The following MEF2C variants were observed in gnomAD, a reference collection of about 807,000 sequenced individuals.
MEF2C encodes the protein myocyte enhancer factor 2C, also known as myocyte-specific enhancer factor 2C.
MEF2C carries 6 observed loss-of-function variants against 50.5 expected under a neutral mutation model. The observed-to-expected ratio is 0.12, with a 90% CI of 0.07 to 0.23. The LOEUF (loss-of-function observed/expected upper bound fraction) is 0.23. MEF2C is among the 10% of genes least tolerant of loss of function. The pLI, the probability that MEF2C is intolerant of heterozygous loss-of-function variation, is 1.00. For synonymous variants in MEF2C, 183 were observed against 228.0 expected, an observed-to-expected ratio of 0.80 and a Z score of 1.78; for missense variants, 276 against 605.0, an observed-to-expected ratio of 0.46 and a Z score of 5.70.
chr5:88,764,680 C>T (rs767340215), intron 3 of MEF2C, among the ~76,000 whole-genome samples: 12 of 151,818 alleles, frequency 7.9e-5, no homozygotes, highest in African/African-American at 2.7e-4. Flanking sequence ...TGGTGGCGCA[C>T]GCCTGTAATT....
chr5:88,719,245 C>A lies in MEF2C; in HGVS notation c.*3359G>T, dbSNP rs1314015769. The A allele has an allele frequency of 6.6e-6, 1 of 152,112 alleles. No individual in the cohort carries two copies. The highest frequency in any genetic ancestry group is 1.5e-5 in the Non-Finnish European group (1 of 68,028). 9.4% of individuals were successfully genotyped at this position (152,112 alleles called of 1,614,324 possible). ...TCACTTTAGTTAACTTTTAAATGAT[C>A]TGGGGATGACAGGTATTTTTATATT... On this transcript the variant is annotated 3_prime_UTR_variant, in exon 11 of 11. Coordinates refer to ENST00000504921, the MANE Select transcript of MEF2C (RefSeq NM_002397.5).
rs139997267 is a variant in MEF2C, at chr5:88,734,208, A to G, written c.638-2307T>C. On this transcript the variant is annotated intron_variant, in intron 6 of 10. Coordinates refer to ENST00000504921, the MANE Select transcript of MEF2C (RefSeq NM_002397.5). ...AAAGAGAATAAGAACATCAAGGTCA[A>G]TTCTGCTCTATACTTTGCTGTCAGC... is the stretch of plus-strand genomic sequence containing the variant. 505 of 985,338 alleles carry G rather than the reference A, an allele frequency of 5.1e-4. 1 individual carries two copies. The African/African-American group carries it at 8.2e-3, about 16-fold the overall frequency. 61.0% of individuals were successfully genotyped at this position (985,338 alleles called of 1,614,324 possible).
chr5:88,806,690 T>A (rs1387789145), intron 2 of MEF2C, among the ~76,000 whole-genome samples: 1 of 152,104 alleles, frequency 6.6e-6, no homozygotes, highest in Non-Finnish European at 1.5e-5. Flanking sequence ...AATCACATTT[T>A]ATATTTTCAA....
intron 3 of MEF2C, among the ~76,000 whole-genome samples, chr5:88,800,873 T>C (rs1419752871): frequency 1.3e-5 from 2 of 152,206 alleles, no homozygotes; most frequent in Non-Finnish European, 2.9e-5. Flanking sequence ...CATATTTATA[T>C]ATTGTATCTA....
At chr5:88,804,847 AT>A in intron 2 of MEF2C, 46 bp from the exon 3 acceptor site, 2 of 1,507,142 alleles carry the variant, frequency 1.3e-6, no homozygotes, top group Non-Finnish European at 1.8e-6. Flanking sequence ...ATATTCATGC[AT>A]GTGTGGTTTT....
intron 3 of MEF2C, among the ~76,000 whole-genome samples, chr5:88,786,382 G>C (rs534689465): frequency 1.3e-5 from 2 of 152,276 alleles, no homozygotes; most frequent in Non-Finnish European, 2.9e-5. Flanking sequence ...GAACTGATTA[G>C]GTTGTAAGAA....
intron 3 of MEF2C, among the ~76,000 whole-genome samples, chr5:88,765,949 G>C (rs936598533): frequency 6.6e-6 from 1 of 152,162 alleles, no homozygotes; most frequent in Admixed American, 6.5e-5. Flanking sequence ...AACTACAGAG[G>C]CTTCTGGGAT....
At chr5:88,879,053 A>G (rs1192737277) in intron 1 of MEF2C, among the ~76,000 whole-genome samples, 1 of 152,054 alleles carries the variant, frequency 6.6e-6, no homozygotes, top group Non-Finnish European at 1.5e-5. Flanking sequence ...AAAATTTTCT[A>G]TCTTATTATA....
intron 1 of MEF2C, among the ~76,000 whole-genome samples, chr5:88,843,143 AT>A (rs1483859377): frequency 6.7e-6 from 1 of 149,358 alleles, no homozygotes; most frequent in Non-Finnish European, 1.5e-5. Context: ...CGTTTTTCCT[AT>A]CTCATTTTTG....
At chr5:88,805,316 A>G (rs1432829006) in intron 2 of MEF2C, among the ~76,000 whole-genome samples, 1 of 152,224 alleles carries the variant, frequency 6.6e-6, no homozygotes, top group African/African-American at 2.4e-5. Flanking sequence ...TCTGTTTTCT[A>G]GAAACCCAAC....
intron 6 of MEF2C, 67 bp from the exon 7 acceptor site, chr5:88,731,968 C>A: frequency 7.1e-7 from 1 of 1,399,984 alleles, no homozygotes; most frequent in South Asian, 1.4e-5. Context: ...GAAGAATACA[C>A]AACATGAGAA....
Position 88,717,752 on chromosome 5 carries a change from G to A in MEF2C, c.*4852C>T, listed in dbSNP as rs539766530. On this transcript the variant is annotated 3_prime_UTR_variant, in exon 11 of 11. Coordinates refer to ENST00000504921, the MANE Select transcript of MEF2C (RefSeq NM_002397.5). The stretch of plus-strand genomic sequence containing the variant: ...AGATTATTATTGAATGTTAATAATG[G>A]ATATATTTGATAGTCTCTAAAATGT... 7 of 152,134 alleles carry A rather than the reference G, an allele frequency of 4.6e-5. No homozygotes were observed. The South Asian group carries it at 1.5e-3, about 32-fold the overall frequency. 9.4% of individuals were successfully genotyped at this position (152,134 alleles called of 1,614,324 possible).
At chr5:88,779,797 A>C (rs958383666) in intron 3 of MEF2C, among the ~76,000 whole-genome samples, 7 of 148,270 alleles carry the variant, frequency 4.7e-5, no homozygotes, top group African/African-American at 7.5e-5. Flanking sequence ...TTGCAAACTT[A>C]ATGGTGGTTT....
chr5:88,837,897 T>C (rs1815799751), intron 1 of MEF2C, among the ~76,000 whole-genome samples: 1 of 152,168 alleles, frequency 6.6e-6, no homozygotes. Flanking sequence ...TATTAAAAGC[T>C]TTACATATAT....
intron 2 of MEF2C, among the ~76,000 whole-genome samples, chr5:88,818,165 C>G (rs990091974): frequency 1.3e-5 from 2 of 151,880 alleles, no homozygotes; most frequent in African/African-American, 4.8e-5. Flanking sequence ...GATTTGATCA[C>G]TATACATTAT....
intron 1 of MEF2C, chr5:88,844,630 TA>T: frequency 2.5e-6 from 2 of 793,290 alleles, no homozygotes; most frequent in South Asian, 1.2e-4. Context: ...AAATACTAAG[TA>T]AATCTAACTT....
At chr5:88,875,301 T>G (rs570508034) in intron 1 of MEF2C, among the ~76,000 whole-genome samples, 1 of 152,116 alleles carries the variant, frequency 6.6e-6, no homozygotes, top group East Asian at 1.9e-4. Context: ...GTACTCTCTA[T>G]TTTGACCTAA....
chr5:88,747,002 C>A (rs1770035846), intron 6 of MEF2C, among the ~76,000 whole-genome samples: 1 of 152,130 alleles, frequency 6.6e-6, no homozygotes, highest in Admixed American at 6.5e-5. Flanking sequence ...TCTTCTATTT[C>A]TGAATTAGAA....
At chr5:88,845,139 A>G (rs1818844215) in intron 1 of MEF2C, among the ~76,000 whole-genome samples, 1 of 152,240 alleles carries the variant, frequency 6.6e-6, no homozygotes, top group Admixed American at 6.5e-5. Context: ...ATTAATTTGA[A>G]CTGCATGTAA....
Sources: allele counts gnomAD v4.1 joint callset (sites outside exome capture counted in the v4.1 genomes callset), GRCh38; gene constraint gnomAD v4.1.1; transcripts MANE v1.5; gene names NCBI Gene and HGNC (gene_info 2026-07-23, HGNC 2026-07-21).